The following RPIA variants were observed in gnomAD, a reference collection of about 807,000 sequenced individuals.
RPIA encodes ribose-5-phosphate isomerase.
RPIA carries 29 observed loss-of-function variants against 37.8 expected under a neutral mutation model. The observed-to-expected ratio is 0.77, with a 90% CI of 0.57 to 1.05. RPIA has a LOEUF of 1.05. RPIA is among the 50% of genes least tolerant of loss of function. The pLI, the probability that RPIA is intolerant of heterozygous loss-of-function variation, is 0.00. For missense variants in RPIA, 385 were observed against 413.6 expected (o/e 0.93, Z 0.60); for synonymous variants, 167 against 157.0 (o/e 1.06, Z -0.48).
chr2:88,721,976 GTT>G (rs56803756), intron 3 of RPIA, among the ~76,000 whole-genome samples: 9,247 of 133,042 alleles, frequency 0.07, 510 homozygotes, highest in African/African-American at 0.16. Flanking sequence ...ATCTATAAAA[GTT>G]TTTTTTTTTT....
chr2:88,705,515 T>C (rs571193087), intron 3 of RPIA, among the ~76,000 whole-genome samples: 5 of 152,262 alleles, frequency 3.3e-5, no homozygotes, highest in African/African-American at 7.2e-5. Context: ...TATGCAAAAA[T>C]TGAAACTGGA....
intron 3 of RPIA, among the ~76,000 whole-genome samples, chr2:88,726,731 G>A (rs919809167): frequency 2.0e-5 from 3 of 152,130 alleles, no homozygotes; most frequent in African/African-American, 7.2e-5. Context: ...TTATCAGTTA[G>A]CAGTGTGGGG....
At chr2:88,746,629 T>C (rs1673440905) in intron 8 of RPIA, among the ~76,000 whole-genome samples, 1 of 152,162 alleles carries the variant, frequency 6.6e-6, no homozygotes, top group Admixed American at 6.5e-5. Flanking sequence ...GTCCCCGAGC[T>C]GTGGATACCA....
intron 3 of RPIA, among the ~76,000 whole-genome samples, chr2:88,727,653 C>T (rs149548881): frequency 2.0e-5 from 3 of 152,224 alleles, no homozygotes; most frequent in South Asian, 4.2e-4. Context: ...TCTGTTCCTG[C>T]GCTAGTTTGC....
At chr2:88,717,429 A>G (rs1673049982) in intron 3 of RPIA, among the ~76,000 whole-genome samples, 1 of 152,178 alleles carries the variant, frequency 6.6e-6, no homozygotes, top group South Asian at 2.1e-4. Flanking sequence ...AGGCGGGACA[A>G]CTCGAAGCAA....
intron 3 of RPIA, 125 bp from the exon 4 acceptor site, chr2:88,729,153 G>A: frequency 1.1e-6 from 1 of 933,148 alleles, no homozygotes; most frequent in Non-Finnish European, 1.7e-6. Flanking sequence ...CCTCATGGTG[G>A]GCCATGCTGG....
chr2:88,722,076 A>G (rs2104113097), intron 3 of RPIA, among the ~76,000 whole-genome samples: 1 of 151,676 alleles, frequency 6.6e-6, no homozygotes, highest in African/African-American at 2.4e-5. Context: ...TTAAACAACC[A>G]GTCATTTTAT....
At chr2:88,697,930 G>T (rs1672775694) in intron 1 of RPIA, among the ~76,000 whole-genome samples, 1 of 152,084 alleles carries the variant, frequency 6.6e-6, no homozygotes, top group African/African-American at 2.4e-5. Context: ...CAACTTGAAG[G>T]TGCCTATGGA....
chr2:88,699,836 A>T (rs1672806038), intron 2 of RPIA, among the ~76,000 whole-genome samples, 173 bp from the exon 3 acceptor site: 1 of 152,250 alleles, frequency 6.6e-6, no homozygotes, highest in Admixed American at 6.5e-5. Context: ...CTATCTTCTG[A>T]TGTGTGAGGT....
chr2:88,750,306 G>GT lies in RPIA; in HGVS notation c.*234dup. The GT allele has an allele frequency of 5.3e-6, 2 of 376,378 alleles. No individual in the cohort carries two copies. Among genetic ancestry groups the GT allele is most frequent in the Non-Finnish European group, 9.5e-6 (2 of 210,304 alleles). The allele number at this position is 376,378 out of a possible 1,614,324, so 23.3% of individuals were successfully genotyped here. A position where few individuals can be genotyped will look rare whatever the true frequency, so the allele number is the denominator to read the frequency against. On this transcript the variant is annotated 3_prime_UTR_variant, in exon 9 of 9. Coordinates refer to ENST00000283646, the MANE Select transcript of RPIA (RefSeq NM_144563.3). ...TATATTTTTACTATTAAAATATTCAGTTTTTTAAATGAAGTAGAACTTGAG... is the reference window on the plus strand; with the variant it reads ...TATATTTTTACTATTAAAATATTCAGTTTTTTTAAATGAAGTAGAACTTGAG...
chr2:88,708,818 A>C (rs1190924194), intron 3 of RPIA, among the ~76,000 whole-genome samples: 2 of 146,706 alleles, frequency 1.4e-5, no homozygotes, highest in African/African-American at 5.1e-5. Flanking sequence ...GTGCAGTGGC[A>C]CGATCTTGGC....
In RPIA at chr2:88,691,808, C is replaced by T. The variant is rs1159636464; in HGVS notation, c.110C>T (p.Pro37Leu). The change falls in exon 1 of 9, where the codon CCG (proline) becomes CTG (leucine). Residue 37 changes from proline to leucine, a missense_variant. By Grantham distance (98) the Pro-to-Leu change is moderately conservative (BLOSUM62 -3). Transcript: ENST00000283646. Reference sequence around the variant, plus strand: ...GGAGGAGGGAACAGCTGGGACCTCCCGGGTTCCCACGTGCGGCTGCCGGGG... The same window carrying T: ...GGAGGAGGGAACAGCTGGGACCTCCTGGGTTCCCACGTGCGGCTGCCGGGG... Reference protein sequence around the residue: ...SGGGGNSWDLPGSHVRLPGRA... With the variant: ...SGGGGNSWDLLGSHVRLPGRA... The T allele has an allele frequency of 6.3e-6, 10 of 1,595,296 alleles. No individual in the cohort carries two copies. Among genetic ancestry groups the T allele is most frequent in the Non-Finnish European group, 8.5e-6 (10 of 1,173,150 alleles).
At chr2:88,733,510 G>A (rs774837948) in intron 4 of RPIA, among the ~76,000 whole-genome samples, 10 of 152,100 alleles carry the variant, frequency 6.6e-5, no homozygotes, top group Non-Finnish European at 1.5e-4. Context: ...CTGAAGGTGG[G>A]CCTGGAGCCC....
chr2:88,708,672 A>G (rs1044319040), intron 3 of RPIA, among the ~76,000 whole-genome samples: 1 of 152,070 alleles, frequency 6.6e-6, no homozygotes. Flanking sequence ...GTTATCCAAG[A>G]GAAGTTGCTC....
chr2:88,694,990 A>G (rs868789210), intron 1 of RPIA, among the ~76,000 whole-genome samples: 9,326 of 151,442 alleles, frequency 0.062, 533 homozygotes, highest in African/African-American at 0.14. Context: ...AAAAAAAAAA[A>G]AAAAAGAAAA....
intron 5 of RPIA, 141 bp from the exon 6 acceptor site, chr2:88,735,528 G>A (rs530607097): frequency 9.0e-5 from 70 of 777,840 alleles, no homozygotes; most frequent in Middle Eastern, 4.6e-4. Flanking sequence ...TGATGGGACT[G>A]GGGATGTCCC....
intron 8 of RPIA, among the ~76,000 whole-genome samples, chr2:88,746,821 GT>G (rs1446130288): frequency 6.6e-6 from 1 of 152,206 alleles, no homozygotes; most frequent in African/African-American, 2.4e-5. Flanking sequence ...ATTAGCTGTT[GT>G]TTTTCCCTTT....
At chr2:88,714,159 G>GTTTT (rs10701572) in intron 3 of RPIA, among the ~76,000 whole-genome samples, 119 of 149,744 alleles carry the variant, frequency 7.9e-4, no homozygotes, top group African/African-American at 2.8e-3. Context: ...CTCATTTTTT[G>GTTTT]TTTTTTTGTT....
intron 3 of RPIA, among the ~76,000 whole-genome samples, chr2:88,716,215 T>C (rs1673034538): frequency 6.6e-6 from 1 of 152,178 alleles, no homozygotes; most frequent in Admixed American, 6.5e-5. Flanking sequence ...GTCTTTTGTC[T>C]ATTATCTACT....
Sources: gnomAD v4.1 joint callset for allele counts (sites outside exome capture counted in the v4.1 genomes callset) on GRCh38, gnomAD v4.1.1 for gene constraint, MANE v1.5 for transcripts, NCBI Gene and HGNC (gene_info 2026-07-23, HGNC 2026-07-21) for gene names.